COL19A1: variants seen among roughly 807,000 people sequenced by gnomAD.
The protein encoded by COL19A1 is collagen type XIX alpha 1 chain, also known as collagen alpha-1(XIX) chain.
In COL19A1, 159 loss-of-function variants were observed where a neutral mutation model predicts 190.2. The observed-to-expected ratio is 0.84, with a 90% CI of 0.73 to 0.95. The LOEUF (loss-of-function observed/expected upper bound fraction) is 0.95. Among genes scored for constraint, COL19A1 ranks in the 40% least tolerant of loss-of-function variants. The pLI, the probability that COL19A1 is intolerant of heterozygous loss-of-function variation, is 0.00. For missense variants in COL19A1, 1,418 were observed against 1,431.9 expected, an observed-to-expected ratio of 0.99 and a Z score of 0.16; for synonymous variants, 509 against 458.9, an observed-to-expected ratio of 1.11 and a Z score of -1.39.
Position 70,207,219 on chromosome 6 carries a change from C to T in COL19A1, c.3374C>T (p.Pro1125Leu). Residue 1125 changes from proline to leucine, a missense_variant, in exon 51 of 51, where the codon CCA (proline) becomes CTA (leucine). Physicochemically the swap from Pro to Leu is moderately conservative, Grantham distance 98. Transcript: ENST00000620364. ...GPPGPSGRCNPEDCLYPVSHA... is the reference protein window; with the variant it reads ...GPPGPSGRCNLEDCLYPVSHA... ...CCAGGACCCAGTGGAAGATGTAACC[C>T]AGAAGATTGCCTCTATCCTGTGTCT... is the stretch of plus-strand genomic sequence containing the variant. The T allele has an allele frequency of 6.2e-7, 1 of 1,614,022 alleles. No individual in the cohort carries two copies. The highest frequency in any genetic ancestry group is 8.5e-7 in the Non-Finnish European group (1 of 1,179,972).
chr6:70,094,670 C>T (rs998641206), intron 15 of COL19A1, among the ~76,000 whole-genome samples: 1 of 152,186 alleles, frequency 6.6e-6, no homozygotes, highest in African/African-American at 2.4e-5. Flanking sequence ...GTTTATAAAT[C>T]AAGTGTCTAA....
chr6:70,161,596 A>T (rs1298902060), intron 34 of COL19A1, among the ~76,000 whole-genome samples: 1 of 152,160 alleles, frequency 6.6e-6, no homozygotes, highest in Non-Finnish European at 1.5e-5. Flanking sequence ...CGAGGTGTGA[A>T]GGATGAAAAA....
At chr6:70,024,907 G>A (rs538689795) in intron 12 of COL19A1, among the ~76,000 whole-genome samples, 1 of 152,246 alleles carries the variant, frequency 6.6e-6, no homozygotes, top group African/African-American at 2.4e-5. Context: ...TTGGAGGCAC[G>A]TGGTGAAGTG....
At chr6:69,964,087 C>G (rs554941120) in intron 11 of COL19A1, among the ~76,000 whole-genome samples, 138 of 152,296 alleles carry the variant, frequency 9.1e-4, no homozygotes, top group African/African-American at 3.2e-3. Flanking sequence ...AGAATAATCT[C>G]AAATTGGACA....
rs529092418 is a variant in COL19A1, at chr6:70,141,411, C to T, written c.1482+422C>T. Among the ~76,000 whole-genome samples, 8 of 152,058 alleles carry T rather than the reference C, an allele frequency of 5.3e-5. No homozygotes were observed. In the East Asian group the frequency reaches 1.5e-3, roughly 29 times the overall value. On this transcript the variant is annotated intron_variant, in intron 20 of 50. Transcript: ENST00000620364. ...ATTTAAAAAGCAAACTTATTATAGCCAGTATCATCCTCTTTTGTATAACCT... is the reference window on the plus strand; with the variant it reads ...ATTTAAAAAGCAAACTTATTATAGCTAGTATCATCCTCTTTTGTATAACCT...
chr6:69,917,199 A>T (rs1771361983), intron 4 of COL19A1, among the ~76,000 whole-genome samples: 1 of 152,218 alleles, frequency 6.6e-6, no homozygotes, highest in Non-Finnish European at 1.5e-5. Context: ...AAATTAAGAA[A>T]CTGATGTGTT....
At chr6:70,079,602 C>T (rs770066117) in intron 15 of COL19A1, among the ~76,000 whole-genome samples, 12 of 152,044 alleles carry the variant, frequency 7.9e-5, no homozygotes, top group Admixed American at 1.3e-4. Context: ...GAGGAGACTG[C>T]GAACTGATAG....
At chr6:70,111,389 T>C (rs1407751924) in intron 16 of COL19A1, among the ~76,000 whole-genome samples, 1 of 152,140 alleles carries the variant, frequency 6.6e-6, no homozygotes, top group African/African-American at 2.4e-5. Flanking sequence ...GAAAATAAGA[T>C]TTGAAGGGTC....
At chr6:69,871,844 T>G (rs1268518420) in intron 1 of COL19A1, among the ~76,000 whole-genome samples, 14 of 143,192 alleles carry the variant, frequency 9.8e-5, no homozygotes, top group Non-Finnish European at 2.1e-4. Flanking sequence ...AAACGGAGTC[T>G]TGCTCTGTCG....
intron 24 of COL19A1, 115 bp from the exon 25 acceptor site, chr6:70,144,799 GTGAA>G (rs1420221651): frequency 1.5e-6 from 1 of 686,382 alleles, no homozygotes. Flanking sequence ...GAGTGAGTGA[GTGAA>G]TGAATGAAGT....
intron 11 of COL19A1, among the ~76,000 whole-genome samples, chr6:69,976,551 G>A (rs1304864242): frequency 6.6e-6 from 1 of 152,112 alleles, no homozygotes; most frequent in Non-Finnish European, 1.5e-5. Context: ...AGAGGAGTGA[G>A]TACATAACGC....
At chr6:69,940,892 C>T (rs1409489372) in intron 9 of COL19A1, among the ~76,000 whole-genome samples, 1 of 152,162 alleles carries the variant, frequency 6.6e-6, no homozygotes, top group Admixed American at 6.6e-5. Flanking sequence ...TTTATTTCTG[C>T]TCCTATTGCA....
intron 14 of COL19A1, among the ~76,000 whole-genome samples, chr6:70,055,857 C>T (rs980111648): frequency 6.7e-6 from 1 of 149,948 alleles, no homozygotes; most frequent in Non-Finnish European, 1.5e-5. Flanking sequence ...AAGTGGTGTA[C>T]CTTTTCTTTC....
intron 11 of COL19A1, among the ~76,000 whole-genome samples, chr6:70,016,807 G>T (rs1221418486): frequency 6.6e-6 from 1 of 151,870 alleles, no homozygotes; most frequent in African/African-American, 2.4e-5. Context: ...GCAAATTAAA[G>T]CCACAATGAA....
At chr6:70,080,447 C>A (rs1373259764) in intron 15 of COL19A1, among the ~76,000 whole-genome samples, 4 of 152,150 alleles carry the variant, frequency 2.6e-5, no homozygotes, top group African/African-American at 7.2e-5. Context: ...TCATTTTATC[C>A]CTTTTATCTA....
chr6:69,982,557 A>T (rs1197618469), intron 11 of COL19A1, among the ~76,000 whole-genome samples: 1 of 151,826 alleles, frequency 6.6e-6, no homozygotes, highest in African/African-American at 2.4e-5. Flanking sequence ...TAACAATACA[A>T]TATTGCCAAA....
At chr6:70,129,980 C>T (rs552907380) in intron 17 of COL19A1, among the ~76,000 whole-genome samples, 2 of 152,090 alleles carry the variant, frequency 1.3e-5, no homozygotes, top group Non-Finnish European at 2.9e-5. Context: ...CATGGGGTGT[C>T]CAAAGCTGGA....
At chr6:69,891,369 T>A (rs1369099207) in intron 2 of COL19A1, 2 of 152,346 alleles carry the variant, frequency 1.3e-5, no homozygotes, top group Non-Finnish European at 2.9e-5. Context: ...GAGACACAAT[T>A]ACCTATCAGT....
intron 14 of COL19A1, among the ~76,000 whole-genome samples, chr6:70,056,822 C>G (rs1191967909): frequency 6.6e-6 from 1 of 151,986 alleles, no homozygotes; most frequent in Non-Finnish European, 1.5e-5. Context: ...TCCTCTTAAA[C>G]GTTTGATTTT....
Sources: gnomAD v4.1 joint callset for allele counts (sites outside exome capture counted in the v4.1 genomes callset) on GRCh38, gnomAD v4.1.1 for gene constraint, MANE v1.5 for transcripts, NCBI Gene and HGNC (gene_info 2026-07-23, HGNC 2026-07-21) for gene names.